ATP13A5: variants seen among roughly 807,000 people sequenced by gnomAD.
The protein encoded by ATP13A5 is probable cation-transporting ATPase 13A5.
In ATP13A5, 149 loss-of-function variants were observed where a neutral mutation model predicts 150.2. The observed-to-expected ratio is 0.99, with a 90% CI of 0.87 to 1.14. The LOEUF (loss-of-function observed/expected upper bound fraction) is 1.14. ATP13A5 is among the 50% of genes most tolerant of loss of function. The pLI is 0.00. For synonymous variants in ATP13A5, 497 were observed against 522.2 expected (o/e 0.95, Z 0.66); for missense variants, 1,383 against 1,449.3 (o/e 0.95, Z 0.74).
intron 23 of ATP13A5, among the ~76,000 whole-genome samples, chr3:193,301,858 G>A (rs1163674987): frequency 6.6e-6 from 1 of 152,136 alleles, no homozygotes; most frequent in African/African-American, 2.4e-5. Flanking sequence ...GATATTGCAG[G>A]AAGACCCCAG....
At chr3:193,362,307 C>A in intron 5 of ATP13A5, 74 bp downstream of exon 5, 1 of 1,271,950 alleles carries the variant, frequency 7.9e-7, no homozygotes, top group Non-Finnish European at 1.1e-6. Context: ...GCCAACAATG[C>A]ACTGATGATA....
At chr3:193,345,847 A>G (rs1712315158) in intron 7 of ATP13A5, among the ~76,000 whole-genome samples, 1 of 152,140 alleles carries the variant, frequency 6.6e-6, no homozygotes, top group South Asian at 2.1e-4. Context: ...GACTGTGAGC[A>G]GGTTACTTCC....
intron 1 of ATP13A5, among the ~76,000 whole-genome samples, chr3:193,372,978 G>A (rs375685056): frequency 2.6e-5 from 4 of 152,162 alleles, no homozygotes; most frequent in African/African-American, 7.2e-5. Flanking sequence ...ACAGGAGAGA[G>A]CCAACAGGGC....
chr3:193,371,603 G>A (rs929189558), intron 1 of ATP13A5, among the ~76,000 whole-genome samples: 1 of 152,182 alleles, frequency 6.6e-6, no homozygotes, highest in African/African-American at 2.4e-5. Flanking sequence ...GCGGCCTTAA[G>A]ATGGGGGGCC....
At chr3:193,283,544 T>C (rs941418644) in intron 27 of ATP13A5, among the ~76,000 whole-genome samples, 1 of 152,154 alleles carries the variant, frequency 6.6e-6, no homozygotes, top group Non-Finnish European at 1.5e-5. Flanking sequence ...TAAGACACTG[T>C]TTTCTAAAAT....
At chr3:193,302,647 G>T (rs1044864138) in intron 23 of ATP13A5, among the ~76,000 whole-genome samples, 1 of 152,174 alleles carries the variant, frequency 6.6e-6, no homozygotes, top group Admixed American at 6.6e-5. Flanking sequence ...ATAGTGCTAG[G>T]CATAATGCTT....
intron 25 of ATP13A5, 42 bp downstream of exon 25, chr3:193,299,089 G>T: frequency 2.0e-6 from 3 of 1,478,644 alleles, no homozygotes; most frequent in Non-Finnish European, 2.8e-6. Context: ...GAATTTCATA[G>T]ATAAATAAAA....
At position 193,360,786 on chromosome 3, in the gene ATP13A5, C is replaced by T. The variant is rs552511030; in HGVS notation, c.536+1595G>A. ...CCGCCTCCCGGGTCCAAGCAATTCT[C>T]CTGCCTCAGCCTCCTGAGTAGCTGG... is the stretch of plus-strand genomic sequence containing the variant. On this transcript the variant is annotated intron_variant, in intron 5 of 29. Transcript: ENST00000342358. 1.3e-3 allele frequency among the ~76,000 whole-genome samples: 196 copies of T among 152,268 alleles called. 5 individuals are homozygous for T. The South Asian group carries it at 0.04, about 31-fold the overall frequency.
At chr3:193,283,922 T>C (rs968310937) in intron 27 of ATP13A5, among the ~76,000 whole-genome samples, 1 of 151,012 alleles carries the variant, frequency 6.6e-6, no homozygotes, top group Non-Finnish European at 1.5e-5. Context: ...GGCATAATTA[T>C]TAATAGTGTC....
chr3:193,285,121 A>C lies in ATP13A5; in HGVS notation c.3024-5T>G. 6.2e-7 allele frequency: 1 copy of C among 1,611,338 alleles called. No individual in the cohort carries two copies. On this transcript the variant is annotated splice_region_variant and splice_polypyrimidine_tract_variant and intron_variant, in intron 26 of 29. Transcript: ENST00000342358. ...TGGTTGGCCAGAAAACACTCACTAC[A>C]AAAGAATCACCAGTGTTTATGAAAC... is the stretch of plus-strand genomic sequence containing the variant.
intron 29 of ATP13A5, 54 bp downstream of exon 29, chr3:193,276,696 A>C: frequency 7.6e-7 from 1 of 1,319,472 alleles, no homozygotes; most frequent in Non-Finnish European, 1.1e-6. Context: ...ACCTGCTGAA[A>C]ATGAGATCCT....
chr3:193,327,165 T>C, intron 12 of ATP13A5, 108 bp from the exon 13 acceptor site: 1 of 972,190 alleles, frequency 1.0e-6, no homozygotes, highest in Non-Finnish European at 1.5e-6. Context: ...TCCAGTAGTC[T>C]AAATACCTTG....
At chr3:193,350,904 G>A (rs1186266158) in intron 7 of ATP13A5, among the ~76,000 whole-genome samples, 163 bp downstream of exon 7, 1 of 152,116 alleles carries the variant, frequency 6.6e-6, no homozygotes, top group Non-Finnish European at 1.5e-5. Flanking sequence ...AACTCTCCCT[G>A]GTAGTCCAAA....
intron 28 of ATP13A5, among the ~76,000 whole-genome samples, chr3:193,277,176 A>T (rs190174675): frequency 6.6e-6 from 1 of 152,186 alleles, no homozygotes; most frequent in Admixed American, 6.5e-5. Context: ...AGATTAAATC[A>T]TTCATCAAAT....
At chr3:193,351,630 C>T (rs6444711) in intron 6 of ATP13A5, among the ~76,000 whole-genome samples, 82,370 of 151,944 alleles carry the variant, frequency 0.54, 22,548 homozygotes, top group African/African-American at 0.62. Flanking sequence ...AGTCAAGTTG[C>T]GCAATGAAAA....
intron 6 of ATP13A5, among the ~76,000 whole-genome samples, chr3:193,353,465 A>G (rs927475527): frequency 3.2e-4 from 49 of 152,248 alleles, no homozygotes; most frequent in Admixed American, 2.0e-3. Flanking sequence ...CAAATCCTCA[A>G]TAATTATAGA....
intron 20 of ATP13A5, 109 bp downstream of exon 20, chr3:193,311,707 T>C: frequency 1.4e-6 from 2 of 1,461,136 alleles, no homozygotes; most frequent in Non-Finnish European, 1.8e-6. Context: ...GGGTGTTTAT[T>C]CTCTAACTGT....
chr3:193,324,799 A>C (rs1277908373), intron 14 of ATP13A5, 65 bp downstream of exon 14: 1 of 1,550,062 alleles, frequency 6.5e-7, no homozygotes, highest in Non-Finnish European at 8.8e-7. Context: ...AAAATTAGAA[A>C]AGCTTCAGCA....
At position 193,279,494 on chromosome 3, in the gene ATP13A5, A is replaced by G. The variant is rs768917380; in HGVS notation, c.3227-40T>C. ...AACATTATTTTTAGATGTTAAAAGA[A>G]TGTTTCATATAATTTGGCACACATT... is the stretch of plus-strand genomic sequence containing the variant. On this transcript the variant is annotated intron_variant, in intron 27 of 29. Transcript: ENST00000342358. The G allele has an allele frequency of 4.5e-6, 7 of 1,540,792 alleles. No homozygotes were observed. In the Admixed American group the frequency reaches 1.2e-4, roughly 26 times the overall value.
Sources: allele counts gnomAD v4.1 joint callset (sites outside exome capture counted in the v4.1 genomes callset), GRCh38; gene constraint gnomAD v4.1.1; transcripts MANE v1.5; gene names NCBI Gene and HGNC (gene_info 2026-07-23, HGNC 2026-07-21).